The following LRP12 variants were observed in gnomAD, a reference collection of about 807,000 sequenced individuals.
LRP12 encodes the protein low-density lipoprotein receptor-related protein 12.
A neutral mutation model predicts 66.0 loss-of-function variants in LRP12; 14 were observed. The ratio of observed to expected loss-of-function variants is 0.21; its 90% CI spans 0.14 to 0.33. The LOEUF (loss-of-function observed/expected upper bound fraction) is 0.33. Ranked by LOEUF, LRP12 falls within the 10% of genes least tolerant of loss-of-function variation. The pLI, the probability that LRP12 is intolerant of heterozygous loss-of-function variation, is 1.00. For missense variants in LRP12, 889 were observed against 1,053.4 expected (o/e 0.84, Z 2.16); for synonymous variants, 357 against 359.1 (o/e 0.99, Z 0.07).
chr8:104,520,593 C>A (rs1321977529), intron 2 of LRP12, among the ~76,000 whole-genome samples: 1 of 152,016 alleles, frequency 6.6e-6, no homozygotes, highest in Non-Finnish European at 1.5e-5. Context: ...CAGAAATAAA[C>A]AATACCAGAG....
At chr8:104,504,420 A>G (rs1461530270) in intron 3 of LRP12, 1 of 151,900 alleles carries the variant, frequency 6.6e-6, no homozygotes, top group African/African-American at 2.4e-5. Context: ...TTATTTTCTA[A>G]TTTTTAAATC....
intron 2 of LRP12, among the ~76,000 whole-genome samples, chr8:104,527,171 G>A (rs1396922750): frequency 6.7e-6 from 1 of 148,252 alleles, no homozygotes; most frequent in African/African-American, 2.6e-5. Flanking sequence ...TCATTAAAAA[G>A]TCAGGAAACA....
chr8:104,547,267 T>C (rs1811586680), intron 1 of LRP12, among the ~76,000 whole-genome samples: 2 of 139,490 alleles, frequency 1.4e-5, no homozygotes, highest in South Asian at 4.6e-4. Flanking sequence ...TCATATTTTG[T>C]ACATAATATA....
chr8:104,541,601 T>C lies in LRP12; in HGVS notation c.80-9638A>G, dbSNP rs182496325. The stretch of plus-strand genomic sequence containing the variant: ...TACAACCATCACCACCACCATCTAA[T>C]GCCTGAACATTTTCATCACCGCCTC... On this transcript the variant is annotated intron_variant, in intron 1 of 6. Coordinates refer to ENST00000276654, the MANE Select transcript of LRP12 (RefSeq NM_013437.5). 4.6e-5 allele frequency among the ~76,000 whole-genome samples: 7 copies of C among 152,348 alleles called. 1 individual carries two copies. The highest frequency in any genetic ancestry group is 2.0e-4 in the Admixed American group (3 of 15,306).
rs192522932 is a variant in LRP12, at chr8:104,548,215, T to A, written c.80-16252A>T. 4.7e-3 allele frequency among the ~76,000 whole-genome samples: 491 copies of A among 103,962 alleles called. 14 individuals are homozygous for A. The highest frequency in any genetic ancestry group is 0.019 in the African/African-American group (460 of 24,176). 68.2% of individuals were successfully genotyped at this position (103,962 alleles called of 152,430 possible). ...ATATAAATATATGATATATTTATAT[T>A]AATATATGATATATTTATATTAATA... is the stretch of plus-strand genomic sequence containing the variant. On this transcript the variant is annotated intron_variant, in intron 1 of 6. Transcript: ENST00000276654.
At chr8:104,588,659 G>A (rs948992191) in intron 1 of LRP12, among the ~76,000 whole-genome samples, 160 bp downstream of exon 1, 6 of 152,072 alleles carry the variant, frequency 3.9e-5, no homozygotes, top group African/African-American at 1.4e-4. Flanking sequence ...TCCGTGTGGG[G>A]ACACCCGTTC....
chr8:104,540,496 A>G (rs1381408408), intron 1 of LRP12, among the ~76,000 whole-genome samples: 1 of 152,204 alleles, frequency 6.6e-6, no homozygotes, highest in Non-Finnish European at 1.5e-5. Context: ...ACAAATACCT[A>G]TAATGAGATG....
intron 1 of LRP12, among the ~76,000 whole-genome samples, chr8:104,538,047 A>C (rs1023223086): frequency 6.6e-6 from 1 of 152,200 alleles, no homozygotes; most frequent in Non-Finnish European, 1.5e-5. Flanking sequence ...AAAAGCCTTG[A>C]TATTCATTCT....
chr8:104,536,893 C>T (rs1230516398), intron 1 of LRP12, among the ~76,000 whole-genome samples: 1 of 151,824 alleles, frequency 6.6e-6, no homozygotes, highest in Non-Finnish European at 1.5e-5. Flanking sequence ...AAATCCAAAG[C>T]ATTTGTAAAT....
Position 104,497,957 on chromosome 8 carries a change from T to C in LRP12, c.595A>G (p.Ile199Val), listed in dbSNP as rs764721075. 4.3e-6 allele frequency: 7 copies of C among 1,614,120 alleles called. No homozygotes were observed. Among genetic ancestry groups the C allele is most frequent in the Non-Finnish European group, 5.1e-6 (6 of 1,180,010 alleles). ...DECGDSSDEE[I>V]CAKEANPPTA... ...GGAGGATTTGCTTCTTTGGCACAGA[T>C]CTCTTCATCGGAACTATCTCCACAT... is the stretch of plus-strand genomic sequence containing the variant. Residue 199 changes from isoleucine (I) to valine (V), a missense_variant, in exon 5 of 7, where the codon ATC becomes GTC. Physicochemically the swap from Ile to Val is conservative, Grantham distance 29. Coordinates refer to ENST00000276654, the MANE Select transcript of LRP12 (RefSeq NM_013437.5). The surrounding 1 kb of genome is among the most constrained non-coding windows in gnomAD (Gnocchi z 4.3).
intron 1 of LRP12, among the ~76,000 whole-genome samples, chr8:104,572,701 TA>T (rs1812100799): frequency 6.6e-6 from 1 of 151,944 alleles, no homozygotes; most frequent in African/African-American, 2.4e-5. Context: ...AATATGGAAA[TA>T]CAGGTAAAAT....
In LRP12 at chr8:104,491,381, A is replaced by G. The variant is rs1298231473; in HGVS notation, c.1872T>C (p.Asp624=). 3.1e-6 allele frequency: 5 copies of G among 1,614,120 alleles called. No individual in the cohort carries two copies. The highest frequency in any genetic ancestry group is 4.2e-6 in the Non-Finnish European group (5 of 1,180,008). ...HSGSLALVSA[D]GDEVVPSQST... is the part of the protein sequence containing the mutation. ...TCTGACTAGGGACAACCTCATCTCC[A>G]TCTGCTGAGACCAAAGCCAATGACC... is the stretch of plus-strand genomic sequence containing the variant. The change falls in exon 7 of 7, where the codon GAT becomes GAC. Residue 624 remains aspartate, a synonymous_variant. Coordinates refer to ENST00000276654, the MANE Select transcript of LRP12 (RefSeq NM_013437.5).
In LRP12 at chr8:104,490,126, T is replaced by C. The variant is rs1349058890; in HGVS notation, c.*547A>G. The C allele has an allele frequency of 6.6e-6, 1 of 152,510 alleles. No homozygotes were observed. The highest frequency in any genetic ancestry group is 1.5e-5 in the Non-Finnish European group (1 of 68,006). 9.4% of individuals were successfully genotyped at this position (152,510 alleles called of 1,614,324 possible). A position where few individuals can be genotyped will look rare whatever the true frequency, so the allele number is the denominator to read the frequency against. On this transcript the variant is annotated 3_prime_UTR_variant, in exon 7 of 7. Transcript: ENST00000276654. ...TTGTATGTTAAACGTAAGAGAAAAATTTTTAGACAGTTTGTTTCCCACTGA... is the reference window on the plus strand; with the variant it reads ...TTGTATGTTAAACGTAAGAGAAAAACTTTTAGACAGTTTGTTTCCCACTGA...
chr8:104,542,255 C>T (rs57223449), intron 1 of LRP12, among the ~76,000 whole-genome samples: 1,715 of 152,170 alleles, frequency 0.011, 27 homozygotes, highest in African/African-American at 0.04. Context: ...AATAATGTGG[C>T]TCTTTTCATG....
chr8:104,524,902 A>T (rs376014698), intron 2 of LRP12, among the ~76,000 whole-genome samples: 1 of 152,260 alleles, frequency 6.6e-6, no homozygotes. Flanking sequence ...AATTCAGTTT[A>T]AAGTAGATAT....
rs367886591 is a variant in LRP12, at chr8:104,574,418, A to G, written c.79+14401T>C. ...AAACAGAATTATCTTATGCTAATAT[A>G]CCATAATTTATTCATCTATTCTATT... On this transcript the variant is annotated intron_variant, in intron 1 of 6. Coordinates refer to ENST00000276654, the MANE Select transcript of LRP12 (RefSeq NM_013437.5). 2.6e-5 allele frequency among the ~76,000 whole-genome samples: 4 copies of G among 152,318 alleles called. No homozygotes were observed. The East Asian group carries it at 7.7e-4, about 29-fold the overall frequency.
chr8:104,501,450 AG>A (rs148392504), intron 3 of LRP12, among the ~76,000 whole-genome samples: 2,723 of 152,228 alleles, frequency 0.018, 86 homozygotes, highest in African/African-American at 0.061. Context: ...CTGTAATCCT[AG>A]AACTTTGGGA....
At chr8:104,549,175 G>T (rs1564142665) in intron 1 of LRP12, among the ~76,000 whole-genome samples, 1 of 151,806 alleles carries the variant, frequency 6.6e-6, no homozygotes, top group South Asian at 2.1e-4. Context: ...CTACTTTCTT[G>T]CCAGTGCACC....
At position 104,588,964 on chromosome 8, in the gene LRP12, A is replaced by ACGACGCCGCCGCCGC. The variant is rs548846399; in HGVS notation, c.-68_-67insGCGGCGGCGGCGTCG. 2.2e-5 allele frequency: 20 copies of ACGACGCCGCCGCCGC among 905,880 alleles called. No individual in the cohort carries two copies. The Admixed American group carries it at 3.8e-4, about 17-fold the overall frequency. The allele number at this position is 905,880 out of a possible 1,614,324, so 56.1% of individuals were successfully genotyped here. A position where few individuals can be genotyped will look rare whatever the true frequency, so the allele number is the denominator to read the frequency against. On this transcript the variant is annotated 5_prime_UTR_variant, in exon 1 of 7. Transcript: ENST00000276654. Reference sequence around the variant, plus strand: ...AGGGAGGAGAAGCTGGAGGTAGACGACGCCGACGCCGCCGCCGCCGCCGCC... The same window carrying ACGACGCCGCCGCCGC: ...AGGGAGGAGAAGCTGGAGGTAGACGACGACGCCGCCGCCGCCGCCGACGCCGCCGCCGCCGCCGCC...
Sources: gnomAD v4.1 joint callset for allele counts (sites outside exome capture counted in the v4.1 genomes callset) on GRCh38, gnomAD v4.1.1 for gene constraint, Gnocchi (gnomAD v3.1) non-coding constraint, MANE v1.5 for transcripts, NCBI Gene and HGNC (gene_info 2026-07-23, HGNC 2026-07-21) for gene names.